The following LRRFIP1 variants were observed in gnomAD, a reference collection of about 807,000 sequenced individuals.
LRRFIP1 encodes the protein leucine-rich repeat flightless-interacting protein 1.
In LRRFIP1, 62 loss-of-function variants were observed where a neutral mutation model predicts 104.4. The observed-to-expected ratio is 0.59, with a 90% CI of 0.48 to 0.73. LRRFIP1 has a LOEUF of 0.73. Among genes scored for constraint, LRRFIP1 ranks in the 30% least tolerant of loss-of-function variants. The probability of loss-of-function intolerance (pLI) is 0.00; values close to 1 mark genes in which losing one functional copy is unlikely to be tolerated. For missense variants in LRRFIP1, 796 were observed against 824.5 expected (o/e 0.97, Z 0.42); for synonymous variants, 300 against 299.0 (o/e 1.00, Z -0.03).
At position 237,682,511 on chromosome 2, in the gene LRRFIP1, G is replaced by T. The variant is rs892433236; in HGVS notation, c.97-26033G>T. 2.0e-5 allele frequency among the ~76,000 whole-genome samples: 3 copies of T among 152,204 alleles called. No homozygotes were observed. In the East Asian group the frequency reaches 5.8e-4, roughly 29 times the overall value. ...GGTCACTTGCATTCTCTGTGTAGGG[G>T]TGCAGGGTTGTTTTCTCTCCCATCG... On this transcript the variant is annotated intron_variant, in intron 1 of 23. Transcript: ENST00000308482.
At chr2:237,634,221 A>G (rs2082780895) in intron 1 of LRRFIP1, among the ~76,000 whole-genome samples, 1 of 152,200 alleles carries the variant, frequency 6.6e-6, no homozygotes, top group Admixed American at 6.5e-5. Flanking sequence ...CTCCTTGTTT[A>G]TAAATAACAT....
chr2:237,660,762 A>AG (rs1234600569), intron 1 of LRRFIP1, among the ~76,000 whole-genome samples: 2 of 152,242 alleles, frequency 1.3e-5, no homozygotes, highest in African/African-American at 4.8e-5. Context: ...AGGAGCTCTG[A>AG]GCTAGATTGT....
At chr2:237,638,486 A>C (rs971978300) in intron 1 of LRRFIP1, among the ~76,000 whole-genome samples, 5 of 152,172 alleles carry the variant, frequency 3.3e-5, no homozygotes, top group Non-Finnish European at 7.4e-5. Flanking sequence ...GACTGGTACC[A>C]GTCTGTGCCC....
chr2:237,762,813 A>T (rs778609445), intron 19 of LRRFIP1: 4 of 1,614,230 alleles, frequency 2.5e-6, no homozygotes, highest in Middle Eastern at 1.6e-4. Context: ...GGTGCTACCT[A>T]TGAGGAACAG....
chr2:237,696,787 C>T (rs2093215308), intron 1 of LRRFIP1, among the ~76,000 whole-genome samples: 1 of 152,222 alleles, frequency 6.6e-6, no homozygotes. Flanking sequence ...CAAGATATAG[C>T]TGTGGCTGCC....
intron 6 of LRRFIP1, 194 bp downstream of exon 6, chr2:237,721,016 C>T (rs1575811272): frequency 1.8e-6 from 1 of 548,038 alleles, no homozygotes; most frequent in Non-Finnish European, 3.3e-6. Flanking sequence ...GATTTATATG[C>T]ATAGGCACGT....
intron 2 of LRRFIP1, among the ~76,000 whole-genome samples, chr2:237,713,215 C>T (rs1223453903): frequency 7.9e-5 from 12 of 152,266 alleles, no homozygotes; most frequent in Non-Finnish European, 1.5e-5. Context: ...TTATCAGACT[C>T]CAGGCCAGCT....
At chr2:237,698,928 T>C (rs1195312240) in intron 1 of LRRFIP1, among the ~76,000 whole-genome samples, 1 of 152,246 alleles carries the variant, frequency 6.6e-6, no homozygotes, top group Non-Finnish European at 1.5e-5. Flanking sequence ...CCAGCGCACA[T>C]AATTTCGAGT....
chr2:237,708,581 C>A lies in LRRFIP1; in HGVS notation c.134C>A (p.Ala45Glu). ...CTCGCTGCAAAACGGGCGGCCCGCG[C>A]GGAGGCTCGCGAGATCCGCATGAAG... is the stretch of plus-strand genomic sequence containing the variant. Reference protein sequence around the residue: ...ARLAAKRAARAEAREIRMKEL... With the variant: ...ARLAAKRAAREEAREIRMKEL... Residue 45 changes from alanine to glutamate, a missense_variant, in exon 2 of 24, where the codon GCG (alanine) becomes GAG (glutamate). Physicochemically the swap from Ala to Glu is moderately radical, Grantham distance 107. Transcript: ENST00000308482. 1 of 1,597,640 alleles carries A rather than the reference C, an allele frequency of 6.3e-7. No individual in the cohort carries two copies. Among genetic ancestry groups the A allele is most frequent in the Non-Finnish European group, 8.5e-7 (1 of 1,169,800 alleles).
intron 1 of LRRFIP1, among the ~76,000 whole-genome samples, chr2:237,689,229 C>A (rs1052246358): frequency 8.5e-5 from 13 of 152,146 alleles, no homozygotes; most frequent in African/African-American, 3.1e-4. Flanking sequence ...AACTGGGAGG[C>A]AACTGTGGAT....
intron 19 of LRRFIP1, chr2:237,763,422 A>T (rs2060061395): frequency 1.2e-6 from 2 of 1,613,702 alleles, no homozygotes; most frequent in Non-Finnish European, 1.7e-6. Flanking sequence ...AAGAAGACAA[A>T]GAACAAGAAA....
At chr2:237,671,085 GT>G (rs377137475) in intron 1 of LRRFIP1, among the ~76,000 whole-genome samples, 40 of 152,220 alleles carry the variant, frequency 2.6e-4, no homozygotes, top group African/African-American at 8.0e-4. Flanking sequence ...GAACTGGCCT[GT>G]TGCATATGAA....
chr2:237,655,102 C>CTTCT (rs2086584188), intron 1 of LRRFIP1, among the ~76,000 whole-genome samples: 1 of 58,244 alleles, frequency 1.7e-5, no homozygotes, highest in African/African-American at 7.8e-5. Flanking sequence ...GATCTCACTT[C>CTTCT]TTTTTTTTTT....
chr2:237,647,854 G>T (rs2085229988), intron 1 of LRRFIP1, among the ~76,000 whole-genome samples: 1 of 152,032 alleles, frequency 6.6e-6, no homozygotes, highest in Admixed American at 6.5e-5. Flanking sequence ...CTGCACGCAG[G>T]GTTTTGCTGT....
intron 10 of LRRFIP1, among the ~76,000 whole-genome samples, chr2:237,737,414 A>G (rs967678414): frequency 6.6e-6 from 1 of 152,208 alleles, no homozygotes; most frequent in African/African-American, 2.4e-5. Flanking sequence ...ACTTCTGCAC[A>G]TTAGCCACAT....
At chr2:237,636,097 CAAAA>C (rs58896300) in intron 1 of LRRFIP1, among the ~76,000 whole-genome samples, 30 of 127,026 alleles carry the variant, frequency 2.4e-4, no homozygotes, top group South Asian at 2.5e-4. Context: ...AACTCTGTCT[CAAAA>C]AAAAAAAAAA....
intron 1 of LRRFIP1, among the ~76,000 whole-genome samples, chr2:237,629,560 C>T (rs111549905): frequency 0.028 from 4,262 of 150,754 alleles, 116 homozygotes; most frequent in African/African-American, 0.07. Context: ...CAACCTCCAC[C>T]TCCCAGGCTC....
chr2:237,741,924 ACACG>A (rs1285969190), intron 11 of LRRFIP1, among the ~76,000 whole-genome samples: 1 of 152,204 alleles, frequency 6.6e-6, no homozygotes, highest in Non-Finnish European at 1.5e-5. Flanking sequence ...TGAATCCCAA[ACACG>A]CTTAATGCCC....
chr2:237,724,521 C>T (rs1194758080), intron 7 of LRRFIP1, among the ~76,000 whole-genome samples: 1 of 152,096 alleles, frequency 6.6e-6, no homozygotes, highest in Non-Finnish European at 1.5e-5. Flanking sequence ...GCTCGGGAGT[C>T]AGGACAGGGG....
Sources: gnomAD v4.1 joint callset for allele counts (sites outside exome capture counted in the v4.1 genomes callset) on GRCh38, gnomAD v4.1.1 for gene constraint, MANE v1.5 for transcripts, NCBI Gene and HGNC (gene_info 2026-07-23, HGNC 2026-07-21) for gene names.